Variants in TCF4 observed in about 807,000 individuals in gnomAD.
TCF4 encodes SL3-3 enhancer factor 2.
A neutral mutation model predicts 82.1 loss-of-function variants in TCF4; 3 were observed. That is an observed-to-expected ratio of 0.04 (90% CI 0.02 to 0.09). The LOEUF (loss-of-function observed/expected upper bound fraction) is 0.09, where lower values mean the gene tolerates loss of function less well. Among genes scored for constraint, TCF4 ranks in the 10% least tolerant of loss-of-function variants. TCF4 has a pLI of 1.00. For missense variants in TCF4, 518 were observed against 852.7 expected, an observed-to-expected ratio of 0.61 and a Z score of 4.89; for synonymous variants, 276 against 309.6, an observed-to-expected ratio of 0.89 and a Z score of 1.14.
intron 8 of TCF4, among the ~76,000 whole-genome samples, chr18:55,305,795 C>T (rs2070100380): frequency 6.6e-6 from 1 of 152,106 alleles, no homozygotes; most frequent in Admixed American, 6.5e-5. Context: ...TATTTTTAAT[C>T]AAGTGATTCA....
intron 3 of TCF4, among the ~76,000 whole-genome samples, chr18:55,578,670 AGC>A: frequency 6.6e-6 from 1 of 152,072 alleles, no homozygotes; most frequent in Non-Finnish European, 1.5e-5. Context: ...AGGCAATGTC[AGC>A]ATCAGCAAGT....
intron 2 of TCF4, among the ~76,000 whole-genome samples, chr18:55,619,813 T>C (rs992300499): frequency 1.3e-5 from 2 of 152,204 alleles, no homozygotes; most frequent in African/African-American, 4.8e-5. Flanking sequence ...TGGATGTTTT[T>C]GTATACCTAT....
chr18:55,337,494 A>C (rs2078903524), intron 8 of TCF4, among the ~76,000 whole-genome samples: 1 of 152,308 alleles, frequency 6.6e-6, no homozygotes, highest in South Asian at 2.1e-4. Flanking sequence ...AGAGGCTAGA[A>C]ATTCTACCAA....
intron 2 of TCF4, among the ~76,000 whole-genome samples, chr18:55,608,369 A>ATTTTTTTTT (rs746413576): frequency 2.6e-5 from 3 of 117,238 alleles, no homozygotes; most frequent in Admixed American, 9.4e-5. Flanking sequence ...TTGCCACAGT[A>ATTTTTTTTT]TTTTTTTTTT....
intron 6 of TCF4, among the ~76,000 whole-genome samples, chr18:55,379,209 A>T (rs1402799874): frequency 1.3e-5 from 2 of 152,230 alleles, no homozygotes; most frequent in Non-Finnish European, 2.9e-5. Context: ...GTAGCATCTT[A>T]GCAGGGGTCG....
chr18:55,480,715 T>C (rs917068110), intron 3 of TCF4, among the ~76,000 whole-genome samples: 2 of 152,222 alleles, frequency 1.3e-5, no homozygotes, highest in Admixed American at 1.3e-4. Context: ...TCAACCCTAA[T>C]ACAGATGTCA....
intron 5 of TCF4, among the ~76,000 whole-genome samples, chr18:55,427,914 G>A (rs1056699818): frequency 6.6e-6 from 1 of 152,104 alleles, no homozygotes; most frequent in African/African-American, 2.4e-5. Flanking sequence ...AATTTACATG[G>A]GATTTTGCAT....
At chr18:55,286,282 T>C (rs1222089803) in intron 8 of TCF4, among the ~76,000 whole-genome samples, 2 of 151,952 alleles carry the variant, frequency 1.3e-5, no homozygotes, top group East Asian at 3.9e-4. Flanking sequence ...TTTTTAGTAC[T>C]ATTTGTCAAA....
chr18:55,529,894 T>C (rs1423780625), intron 3 of TCF4, among the ~76,000 whole-genome samples: 2 of 152,110 alleles, frequency 1.3e-5, no homozygotes, highest in Non-Finnish European at 2.9e-5. Flanking sequence ...TTAACACTCC[T>C]TTCATGGCAC....
intron 3 of TCF4, among the ~76,000 whole-genome samples, chr18:55,581,402 CTG>C (rs1348916676): frequency 1.3e-5 from 2 of 151,998 alleles, no homozygotes; most frequent in African/African-American, 4.8e-5. Flanking sequence ...ACCCAAAATT[CTG>C]TGATTCTAAC....
chr18:55,493,249 C>G (rs556201474), intron 3 of TCF4, among the ~76,000 whole-genome samples: 53 of 152,202 alleles, frequency 3.5e-4, no homozygotes, highest in South Asian at 6.2e-4. Flanking sequence ...ATTTAAAAAA[C>G]CTTTTGGGCT....
chr18:55,317,346 A>T (rs530097498), intron 8 of TCF4, among the ~76,000 whole-genome samples: 281 of 152,044 alleles, frequency 1.8e-3, no homozygotes, highest in African/African-American at 6.3e-3. Flanking sequence ...AACAGCAATT[A>T]AAAAAAATAA....
At chr18:55,236,586 T>G (rs772809674) in intron 15 of TCF4, among the ~76,000 whole-genome samples, 5 of 152,170 alleles carry the variant, frequency 3.3e-5, no homozygotes, top group Non-Finnish European at 7.4e-5. Flanking sequence ...CACTCTCTTA[T>G]ATATTTTAAT....
intron 6 of TCF4, among the ~76,000 whole-genome samples, chr18:55,388,759 T>C (rs1382956837): frequency 6.6e-6 from 1 of 152,180 alleles, no homozygotes; most frequent in Non-Finnish European, 1.5e-5. Context: ...CCCAGTCCCA[T>C]CTCTGCCTTC....
chr18:55,561,571 G>T (rs2097355337), intron 3 of TCF4, among the ~76,000 whole-genome samples: 2 of 152,102 alleles, frequency 1.3e-5, no homozygotes, highest in Non-Finnish European at 2.9e-5. Flanking sequence ...TATTTATCTA[G>T]TGATGTATTT....
intron 8 of TCF4, among the ~76,000 whole-genome samples, chr18:55,331,687 A>G (rs1487233602): frequency 2.6e-5 from 4 of 152,210 alleles, no homozygotes; most frequent in African/African-American, 7.2e-5. Flanking sequence ...CAATAGAGCT[A>G]TATCTACTTT....
At chr18:55,496,015 T>A (rs2096631402) in intron 3 of TCF4, 1 of 152,042 alleles carries the variant, frequency 6.6e-6, no homozygotes, top group Non-Finnish European at 1.5e-5. Context: ...CATCAGGAGG[T>A]ATCTTCAGGT....
At chr18:55,286,840 T>C (rs1023389845) in intron 8 of TCF4, among the ~76,000 whole-genome samples, 2 of 152,334 alleles carry the variant, frequency 1.3e-5, no homozygotes, top group Middle Eastern at 3.4e-3. Flanking sequence ...CATTATCACA[T>C]AAATAGGAAA....
chr18:55,567,329 T>A (rs2097418372), intron 3 of TCF4, among the ~76,000 whole-genome samples: 1 of 152,228 alleles, frequency 6.6e-6, no homozygotes, highest in Non-Finnish European at 1.5e-5. Context: ...ATAATTTCAA[T>A]ATGTATAAAG....
Sources: allele counts gnomAD v4.1 joint callset (sites outside exome capture counted in the v4.1 genomes callset), GRCh38; gene constraint gnomAD v4.1.1; transcripts MANE v1.5; gene names NCBI Gene and HGNC (gene_info 2026-07-23, HGNC 2026-07-21).